SORCS1: variants seen among roughly 807,000 people sequenced by gnomAD.
The protein encoded by SORCS1 is sortilin related VPS10 domain containing receptor 1, also known as VPS10 domain-containing receptor SorCS1.
Under a neutral mutation model 146.1 loss-of-function variants are expected in SORCS1, and 60 were observed. The observed-to-expected ratio is 0.41, with a 90% CI of 0.33 to 0.51. The LOEUF (loss-of-function observed/expected upper bound fraction) is 0.51. SORCS1 is among the 20% of genes least tolerant of loss of function. The pLI, the probability that SORCS1 is intolerant of heterozygous loss-of-function variation, is 0.21. For missense variants in SORCS1, 1,352 were observed against 1,487.6 expected (o/e 0.91, Z 1.50); for synonymous variants, 637 against 584.0 (o/e 1.09, Z -1.31).
At chr10:106,582,461 G>C (rs77003830) in intron 24 of SORCS1, among the ~76,000 whole-genome samples, 68 of 152,240 alleles carry the variant, frequency 4.5e-4, no homozygotes, top group African/African-American at 1.6e-3. Flanking sequence ...TTCCGTGGGT[G>C]GTGTCTGCTT....
intron 1 of SORCS1, among the ~76,000 whole-genome samples, chr10:106,997,634 T>A (rs78762290): frequency 0.029 from 4,378 of 152,200 alleles, 178 homozygotes; most frequent in African/African-American, 0.094. Flanking sequence ...CAAAGTAGCA[T>A]CAGAAATGAG....
At chr10:107,090,049 A>G (rs1408578698) in intron 1 of SORCS1, among the ~76,000 whole-genome samples, 2 of 152,206 alleles carry the variant, frequency 1.3e-5, no homozygotes, top group African/African-American at 4.8e-5. Context: ...CAACAATGAC[A>G]TAGAGGCATT....
At chr10:106,786,679 C>T (rs1421529339) in intron 3 of SORCS1, among the ~76,000 whole-genome samples, 1 of 152,124 alleles carries the variant, frequency 6.6e-6, no homozygotes, top group East Asian at 1.9e-4. Flanking sequence ...CGCACACACA[C>T]ACAAACACAC....
chr10:106,908,676 C>T (rs1952016061), intron 2 of SORCS1, among the ~76,000 whole-genome samples: 1 of 152,180 alleles, frequency 6.6e-6, no homozygotes, highest in South Asian at 2.1e-4. Flanking sequence ...AGCCCAGCAG[C>T]CCTTACACAC....
chr10:106,919,085 C>A (rs918804375), intron 2 of SORCS1, among the ~76,000 whole-genome samples: 1 of 152,160 alleles, frequency 6.6e-6, no homozygotes, highest in South Asian at 2.1e-4. Flanking sequence ...GACCCACCAA[C>A]CTTGGCCTCC....
intron 2 of SORCS1, among the ~76,000 whole-genome samples, chr10:106,844,319 T>C (rs1156673587): frequency 6.6e-6 from 1 of 152,140 alleles, no homozygotes; most frequent in Admixed American, 6.5e-5. Flanking sequence ...TTTTGATTAA[T>C]ATATTCCCAC....
chr10:107,172,041 T>C, the SORCS1 span, among the ~76,000 whole-genome samples: 2 of 152,140 alleles, frequency 1.3e-5, no homozygotes, highest in Non-Finnish European at 2.9e-5. Flanking sequence ...TCTCCAGGGG[T>C]GGTTTAATGA....
chr10:106,591,570 C>T (rs369071748), intron 24 of SORCS1, among the ~76,000 whole-genome samples: 1 of 152,044 alleles, frequency 6.6e-6, no homozygotes, highest in African/African-American at 2.4e-5. Context: ...TTCATAAAAA[C>T]AATATTTGTT....
chr10:106,605,588 T>C (rs184965059), intron 23 of SORCS1, among the ~76,000 whole-genome samples: 1 of 152,312 alleles, frequency 6.6e-6, no homozygotes, highest in Non-Finnish European at 1.5e-5. Context: ...TTCTTGACAA[T>C]GTTGTGATAA....
chr10:106,711,651 A>C (rs1194333880), intron 6 of SORCS1, among the ~76,000 whole-genome samples: 2 of 152,222 alleles, frequency 1.3e-5, no homozygotes, highest in Non-Finnish European at 2.9e-5. Flanking sequence ...ATAGCTCTCA[A>C]GTGCTTTAAC....
chr10:107,020,172 A>G (rs1277567646), intron 1 of SORCS1, among the ~76,000 whole-genome samples: 2 of 152,178 alleles, frequency 1.3e-5, no homozygotes, highest in African/African-American at 4.8e-5. Context: ...TATGAATAGG[A>G]CTAATGTCTT....
chr10:107,066,876 C>G (rs907831733), intron 1 of SORCS1, among the ~76,000 whole-genome samples: 1 of 152,148 alleles, frequency 6.6e-6, no homozygotes, highest in African/African-American at 2.4e-5. Flanking sequence ...TAGTTGGGCC[C>G]TCTGTAATAT....
chr10:107,109,173 A>G (rs950989561), intron 1 of SORCS1, among the ~76,000 whole-genome samples: 3 of 152,198 alleles, frequency 2.0e-5, no homozygotes, highest in Non-Finnish European at 2.9e-5. Flanking sequence ...GATGGGTGGT[A>G]GCCCCCTTCT....
chr10:106,848,422 GT>G lies in SORCS1; in HGVS notation c.627-18750del, dbSNP rs1173552240. Reference sequence around the variant, plus strand: ...AGGATTGCAAGCCCTGCCTTTTTTTGTTTTCCATTTGCTTGGTAGATCTTCC... The same window carrying G: ...AGGATTGCAAGCCCTGCCTTTTTTTGTTTCCATTTGCTTGGTAGATCTTCC... On this transcript the variant is annotated intron_variant, in intron 2 of 25. Transcript: ENST00000263054. 8.9e-5 allele frequency among the ~76,000 whole-genome samples: 5 copies of G among 56,472 alleles called. 1 individual carries two copies. The Admixed American group carries it at 9.1e-4, about 10-fold the overall frequency. The allele number at this position is 56,472 out of a possible 152,430, so 37.0% of individuals were successfully genotyped here. A position where few individuals can be genotyped will look rare whatever the true frequency, so the allele number is the denominator to read the frequency against.
chr10:106,996,721 C>G (rs1020506378), intron 1 of SORCS1, among the ~76,000 whole-genome samples: 2 of 152,186 alleles, frequency 1.3e-5, no homozygotes, highest in African/African-American at 4.8e-5. Flanking sequence ...GCTGATCATT[C>G]TGGATGATAT....
intron 3 of SORCS1, among the ~76,000 whole-genome samples, chr10:106,818,121 T>G (rs1947831024): frequency 1.3e-5 from 2 of 152,228 alleles, no homozygotes; most frequent in Admixed American, 6.5e-5. Flanking sequence ...CAATAAAACA[T>G]GTCAATTAAT....
At chr10:107,124,470 T>A (rs967269246) in intron 1 of SORCS1, among the ~76,000 whole-genome samples, 2 of 152,160 alleles carry the variant, frequency 1.3e-5, no homozygotes, top group African/African-American at 4.8e-5. Context: ...TTTTCCTTTT[T>A]TTCTCCCAAA....
At chr10:107,119,768 C>A (rs918603350) in intron 1 of SORCS1, among the ~76,000 whole-genome samples, 2 of 152,210 alleles carry the variant, frequency 1.3e-5, no homozygotes, top group African/African-American at 2.4e-5. Context: ...GGGTATTTTT[C>A]ATATTTTCTG....
At chr10:106,664,371 G>A (rs148528872) in intron 17 of SORCS1, among the ~76,000 whole-genome samples, 187 of 152,260 alleles carry the variant, frequency 1.2e-3, no homozygotes, top group African/African-American at 3.9e-3. Context: ...GGCCAGGCGC[G>A]GTGGCTCATG....
Sources: gnomAD v4.1 joint callset for allele counts (sites outside exome capture counted in the v4.1 genomes callset) on GRCh38, gnomAD v4.1.1 for gene constraint, MANE v1.5 for transcripts, NCBI Gene and HGNC (gene_info 2026-07-23, HGNC 2026-07-21) for gene names.